Variants in GAD2 observed in about 807,000 individuals in gnomAD.
GAD2 encodes 65 kDa glutamic acid decarboxylase.
GAD2 carries 22 observed loss-of-function variants against 80.1 expected under a neutral mutation model. The observed-to-expected ratio is 0.27, with a 90% CI of 0.20 to 0.39. The LOEUF (loss-of-function observed/expected upper bound fraction) is 0.39, where lower values mean the gene tolerates loss of function less well. Among genes scored for constraint, GAD2 ranks in the 10% least tolerant of loss-of-function variants. GAD2 has a pLI of 1.00. For synonymous variants in GAD2, 274 were observed against 256.9 expected (o/e 1.07, Z -0.64); for missense variants, 624 against 738.4 (o/e 0.85, Z 1.80).
rs183003540 is a variant in GAD2 at position 26,241,363 on chromosome 10, C to T, written c.841-4558C>T. Among the ~76,000 whole-genome samples the T allele has an allele frequency of 3.9e-5, 6 of 152,190 alleles. No individual in the cohort carries two copies. The East Asian group carries it at 1.2e-3, about 29-fold the overall frequency. ...TTCCAATTTTTGTTCAGAATTTTGT[C>T]TTCTGAAGCCATTGAAGAGTGAAGG... On this transcript the variant is annotated intron_variant, in intron 7 of 15. Coordinates refer to ENST00000376261, the MANE Select transcript of GAD2 (RefSeq NM_001134366.2).
chr10:26,284,564 C>CTTTTT lies in GAD2; in HGVS notation c.1237-1762_1237-1758dup, dbSNP rs35046451. 3.1e-3 allele frequency among the ~76,000 whole-genome samples: 288 copies of CTTTTT among 93,110 alleles called. 8 individuals are homozygous for CTTTTT. Among genetic ancestry groups the CTTTTT allele is most frequent in the African/African-American group, 9.2e-3 (233 of 25,462 alleles). The allele number at this position is 93,110 out of a possible 152,430, so 61.1% of individuals were successfully genotyped here. ...CAGTAATGAGACTGCGGCTGTTCAG[C>CTTTTT]TTTTTTTTTTTTTTTTTTTTTTTGA... On this transcript the variant is annotated intron_variant, in intron 12 of 15. Transcript: ENST00000376261.
At chr10:26,247,526 A>G (rs748373615) in intron 8 of GAD2, among the ~76,000 whole-genome samples, 18 of 152,320 alleles carry the variant, frequency 1.2e-4, no homozygotes, top group Non-Finnish European at 1.6e-4. Context: ...CACGGGGTCC[A>G]GAAGCCAAGC....
chr10:26,224,584 C>T lies in GAD2; in HGVS notation c.657C>T (p.Val219=). 6.2e-7 allele frequency: 1 copy of T among 1,614,018 alleles called. No homozygotes were observed. Among genetic ancestry groups the T allele is most frequent in the African/African-American group, 1.3e-5 (1 of 75,042 alleles). The change falls in exon 6 of 16, where the codon GTC becomes GTT. Residue 219 remains valine, a synonymous_variant. Coordinates refer to ENST00000376261, the MANE Select transcript of GAD2 (RefSeq NM_001134366.2). ...CAGTATTTGTGCTTTTGGAATATGT[C>T]ACACTAAAGAAAATGAGAGAAATCA... The part of the protein sequence containing the change: ...IAPVFVLLEY[V]TLKKMREIIG...
Position 26,292,447 on chromosome 10 carries a change from T to C in GAD2, c.1387-18T>C. 14 of 1,589,140 alleles carry C rather than the reference T, an allele frequency of 8.8e-6. No homozygotes were observed. The highest frequency in any genetic ancestry group is 1.2e-5 in the Non-Finnish European group (14 of 1,157,458). On this transcript the variant is annotated intron_variant, in intron 13 of 15. Coordinates refer to ENST00000376261, the MANE Select transcript of GAD2 (RefSeq NM_001134366.2). ...CACTCTTAGCCTGCTTAATGAGCTG[T>C]GTCCTTCTCTTACCTAGGGGACTAC...
At chr10:26,293,636 C>T (rs1368724680) in intron 15 of GAD2, among the ~76,000 whole-genome samples, 2 of 152,196 alleles carry the variant, frequency 1.3e-5, no homozygotes, top group East Asian at 3.8e-4. Context: ...TGCTCAGTTA[C>T]AAGCACAAAA....
chr10:26,229,763 T>C lies in GAD2; in HGVS notation c.826T>C (p.Phe276Leu). 1 of 1,612,308 alleles carries C rather than the reference T, an allele frequency of 6.2e-7. No homozygotes were observed. The highest frequency in any genetic ancestry group is 2.2e-5 in the East Asian group (1 of 44,882). ...GMAALPRLIA[F>L]TSEHSHFSLK... ...GGCTGCTCTTCCCAGGCTCATTGCC[T>C]TCACGTCTGAACATGTATGTGTTTC... Residue 276 changes from phenylalanine (F) to leucine (L), a missense_variant, in exon 7 of 16, where the codon TTC becomes CTC. By Grantham distance (22) the Phe-to-Leu change is conservative (BLOSUM62 0). Transcript: ENST00000376261.
At chr10:26,286,584 A>G in intron 13 of GAD2, 90 bp downstream of exon 13, 1 of 1,308,108 alleles carries the variant, frequency 7.6e-7, no homozygotes, top group Non-Finnish European at 1.0e-6. Context: ...GTGATTTCCA[A>G]ATTGAAATTT....
At chr10:26,232,468 A>ATTT (rs1564658024) in intron 7 of GAD2, among the ~76,000 whole-genome samples, 9 of 131,688 alleles carry the variant, frequency 6.8e-5, no homozygotes, top group African/African-American at 1.8e-4. Context: ...AACTCAGTCT[A>ATTT]CTTTTTTTTT....
intron 7 of GAD2, among the ~76,000 whole-genome samples, chr10:26,232,469 C>CTTT (rs60636223): frequency 1.9e-3 from 195 of 101,340 alleles, no homozygotes; most frequent in Middle Eastern, 6.4e-3. Flanking sequence ...ACTCAGTCTA[C>CTTT]TTTTTTTTTT....
rs542893545 is a variant in GAD2 at position 26,231,662 on chromosome 10, C to G, written c.840+1885C>G. ...TGATCACAAACTTTGTGGCTTACAA[C>G]AATATGAATGTATTACCTTATAGTT... is the stretch of plus-strand genomic sequence containing the variant. On this transcript the variant is annotated intron_variant, in intron 7 of 15. Coordinates refer to ENST00000376261, the MANE Select transcript of GAD2 (RefSeq NM_001134366.2). Among the ~76,000 whole-genome samples the G allele has an allele frequency of 2.6e-5, 4 of 152,282 alleles. No homozygotes were observed. The South Asian group carries it at 8.3e-4, about 32-fold the overall frequency.
At chr10:26,272,730 G>T (rs1358948863) in intron 10 of GAD2, among the ~76,000 whole-genome samples, 1 of 152,070 alleles carries the variant, frequency 6.6e-6, no homozygotes, top group African/African-American at 2.4e-5. Context: ...CAGGCATGGT[G>T]GTGGGTGCCT....
intron 6 of GAD2, among the ~76,000 whole-genome samples, chr10:26,225,291 G>A (rs1023838787): frequency 6.6e-6 from 1 of 152,136 alleles, no homozygotes; most frequent in African/African-American, 2.4e-5. Flanking sequence ...TGAATTCTAA[G>A]CTCCATTACT....
intron 13 of GAD2, among the ~76,000 whole-genome samples, chr10:26,289,783 T>TC (rs975785587): frequency 4.3e-5 from 6 of 140,966 alleles, no homozygotes; most frequent in Admixed American, 7.2e-5. Context: ...AAATTACATC[T>TC]CCCCCCCACC....
intron 4 of GAD2, among the ~76,000 whole-genome samples, chr10:26,223,410 G>A (rs1844477962): frequency 6.6e-6 from 1 of 152,110 alleles, no homozygotes; most frequent in Non-Finnish European, 1.5e-5. Context: ...ATGTTGGCAT[G>A]CCTGGCGGAT....
At chr10:26,277,786 G>A (rs1186909874) in intron 11 of GAD2, among the ~76,000 whole-genome samples, 1 of 152,186 alleles carries the variant, frequency 6.6e-6, no homozygotes, top group Non-Finnish European at 1.5e-5. Context: ...AATGGTGCCA[G>A]GAACACAGAA....
chr10:26,297,617 G>T (rs1235076127), intron 15 of GAD2, among the ~76,000 whole-genome samples: 2 of 152,160 alleles, frequency 1.3e-5, no homozygotes, highest in African/African-American at 2.4e-5. Context: ...CAACCAAAAA[G>T]TACAAAAGCC....
Position 26,229,726 on chromosome 10 carries a change from G to A in GAD2, c.789G>A (p.Lys263=), listed in dbSNP as rs751643202. 6.8e-5 allele frequency: 110 copies of A among 1,614,072 alleles called. No individual in the cohort carries two copies. The highest frequency in any genetic ancestry group is 8.9e-5 in the Non-Finnish European group (105 of 1,180,028). Residue 263 remains lysine, a synonymous_variant, in exon 7 of 16, where the codon AAG becomes AAA. Coordinates refer to ENST00000376261, the MANE Select transcript of GAD2 (RefSeq NM_001134366.2). ...IARFKMFPEV[K]EKGMAALPRL... ...GCTTTAAGATGTTCCCAGAAGTCAA[G>A]GAGAAAGGAATGGCTGCTCTTCCCA...
At chr10:26,299,673 T>C (rs1834309488) in intron 15 of GAD2, among the ~76,000 whole-genome samples, 2 of 151,934 alleles carry the variant, frequency 1.3e-5, no homozygotes, top group Non-Finnish European at 2.9e-5. Context: ...GACCTGACAG[T>C]TGAGGTAGAG....
At chr10:26,220,957 T>A (rs1344924046) in intron 4 of GAD2, among the ~76,000 whole-genome samples, 1 of 152,244 alleles carries the variant, frequency 6.6e-6, no homozygotes, top group Non-Finnish European at 1.5e-5. Flanking sequence ...GGTGTCACTG[T>A]AATGCATTTT....
Sources: gnomAD v4.1 joint callset for allele counts (sites outside exome capture counted in the v4.1 genomes callset) on GRCh38, gnomAD v4.1.1 for gene constraint, MANE v1.5 for transcripts, NCBI Gene and HGNC (gene_info 2026-07-23, HGNC 2026-07-21) for gene names.